Variants in AKAP17A observed in about 807,000 individuals in gnomAD.
AKAP17A encodes A-kinase anchor protein 17A.
Under a neutral mutation model 52.2 loss-of-function variants are expected in AKAP17A, and 15 were observed. The ratio of observed to expected loss-of-function variants is 0.29; its 90% confidence interval spans 0.19 to 0.44. AKAP17A has a LOEUF of 0.44. AKAP17A is among the 20% of genes least tolerant of loss of function. AKAP17A has a pLI of 1.00. For synonymous variants in AKAP17A, 514 were observed against 424.7 expected (o/e 1.21, Z -2.58); for missense variants, 1,060 against 1,007.0 (o/e 1.05, Z -0.71).
At position 1,598,470 on chromosome X, in the gene AKAP17A, G is replaced by A. The variant is rs368484669; in HGVS notation, c.912-722G>A. On this transcript the variant is annotated intron_variant, in intron 3 of 4. Coordinates refer to ENST00000313871, the MANE Select transcript of AKAP17A (RefSeq NM_005088.3). ...GCCCACCCGGGCTTCAGAAGTCTCC[G>A]CCTCCGTGTCGTGTTCCATAGGAAC... 7.4e-4 allele frequency among the ~76,000 whole-genome samples: 112 copies of A among 152,238 alleles called. No homozygotes were observed. The East Asian group carries it at 0.012, about 16-fold the overall frequency.
chrX:1,599,410 C>T lies in AKAP17A; in HGVS notation c.1130C>T (p.Ala377Val). The T allele has an allele frequency of 1.3e-6, 2 of 1,567,034 alleles. No individual in the cohort carries two copies. The highest frequency in any genetic ancestry group is 2.1e-4 in the Middle Eastern group (1 of 4,850). ...QRNLQSIRLI[A>V]ELLSRAKAVK... ...AACCTGCAGTCCATCCGGCTCATCG[C>T]CGAGCTGCTCAGCAGAGCCAAGGTA... is the stretch of plus-strand genomic sequence containing the variant. Residue 377 changes from alanine (A) to valine (V), a missense_variant, in exon 4 of 5, where the codon GCC becomes GTC. By Grantham distance (64) the Ala-to-Val change is moderately conservative. This residue lies in a region of AKAP17A where 793 missense variants were observed against 629.9 expected (regional missense o/e 1.26). Transcript: ENST00000313871.
At position 1,595,234 on chromosome X, in the gene AKAP17A, TCTGCACCGGACATGAGTGGTGAGC is replaced by T. The variant is rs1932921722; in HGVS notation, c.763-149_763-126del. 3.5e-4 allele frequency: 63 copies of T among 182,040 alleles called. 20 individuals are homozygous for T. Among genetic ancestry groups the T allele is most frequent in the East Asian group, 4.2e-4 (2 of 4,714 alleles). The allele number at this position is 182,040 out of a possible 1,614,324, so 11.3% of individuals were successfully genotyped here. ...TGGCTTCTGGGCTCCACTGTCTGGG[TCTGCACCGGACATGAGTGGTGAGC>T]GGTGAGCGGTGAGCGGGCGCTCAGG... is the stretch of plus-strand genomic sequence containing the variant. On this transcript the variant is annotated intron_variant, in intron 2 of 4. Transcript: ENST00000313871.
rs1338123079 is a variant in AKAP17A at position 1,593,523 on chromosome X, G to A, written c.61G>A (p.Gly21Ser). The A allele has an allele frequency of 1.2e-5, 20 of 1,613,608 alleles. No homozygotes were observed. Among genetic ancestry groups the A allele is most frequent in the East Asian group, 6.7e-5 (3 of 44,892 alleles). Residue 21 changes from glycine to serine, a missense_variant, in exon 2 of 5, where the codon GGC becomes AGC. Gly to Ser is a moderately conservative substitution (Grantham distance 56, BLOSUM62 0). This residue lies in a region of AKAP17A where 267 missense variants were observed against 377.1 expected (regional missense o/e 0.71). Transcript: ENST00000313871. ...GGCCGTGGAGCTCTGCCCTGCTTAC[G>A]GCTTGTACCTGAAGCCCATCACCAA... The part of the protein sequence containing the change: ...SEAVELCPAY[G>S]LYLKPITKMT...
At chrX:1,595,121 G>A (rs193196002) in intron 2 of AKAP17A, among the ~76,000 whole-genome samples, 4 of 152,356 alleles carry the variant, frequency 2.6e-5, no homozygotes, top group East Asian at 1.9e-4. Context: ...AGTAAGTGGC[G>A]AGGGCTAGTT....
intron 1 of AKAP17A, among the ~76,000 whole-genome samples, chrX:1,593,086 C>T (rs1318578547): frequency 1.3e-5 from 2 of 152,152 alleles, no homozygotes; most frequent in South Asian, 2.1e-4. Flanking sequence ...TTTGTAGCGT[C>T]CCCGTTCCTA....
intron 4 of AKAP17A, chrX:1,600,238 G>A: frequency 1.5e-6 from 2 of 1,296,838 alleles, no homozygotes; most frequent in Non-Finnish European, 1.0e-6. Context: ...CCCAGGCTAG[G>A]CCAGGCTCGC....
chrX:1,600,355 T>C, intron 4 of AKAP17A: 1 of 651,816 alleles, frequency 1.5e-6, no homozygotes, highest in East Asian at 3.2e-5. Context: ...GTGGTGGGGC[T>C]CCCGGCAGGG....
intron 3 of AKAP17A, among the ~76,000 whole-genome samples, 191 bp from the exon 4 acceptor site, chrX:1,599,001 G>C (rs1337965446): frequency 6.6e-6 from 1 of 152,172 alleles, no homozygotes; most frequent in Non-Finnish European, 1.5e-5. Flanking sequence ...GGTCACGGAG[G>C]TCCTCGCCCG....
Position 1,594,136 on chromosome X carries a change from T to G in AKAP17A, c.674T>G (p.Met225Arg). ...GCCTATGTGCAGTACCGCGAGTACA[T>G]GGGCTTCATCCAGGCCATGAGCGCC... Reference protein sequence around the residue: ...FEAYVQYREYMGFIQAMSALR... With the variant: ...FEAYVQYREYRGFIQAMSALR... The change falls in exon 2 of 5, where the codon ATG becomes AGG. Residue 225 changes from methionine to arginine, a missense_variant. Physicochemically the swap from Met to Arg is moderately conservative, Grantham distance 91. This residue lies in a region of AKAP17A where 267 missense variants were observed against 377.1 expected (regional missense o/e 0.71). Coordinates refer to ENST00000313871, the MANE Select transcript of AKAP17A (RefSeq NM_005088.3). The G allele has an allele frequency of 3.7e-6, 6 of 1,612,072 alleles. No individual in the cohort carries two copies. Among genetic ancestry groups the G allele is most frequent in the Non-Finnish European group, 3.4e-6 (4 of 1,178,896 alleles).
At chrX:1,597,087 T>C (rs1933038705) in intron 3 of AKAP17A, among the ~76,000 whole-genome samples, 1 of 152,102 alleles carries the variant, frequency 6.6e-6, no homozygotes, top group African/African-American at 2.4e-5. Context: ...ACCGAGTTGG[T>C]CCGTTTTGTT....
intron 3 of AKAP17A, among the ~76,000 whole-genome samples, chrX:1,596,892 G>C (rs28515612): frequency 7.6e-5 from 8 of 105,662 alleles, no homozygotes; most frequent in Non-Finnish European, 1.2e-4. Context: ...CTCCTTCTCC[G>C]TCCCTCCCAC....
chrX:1,593,971 G>A lies in AKAP17A; in HGVS notation c.509G>A (p.Ser170Asn), dbSNP rs1436562842. The A allele has an allele frequency of 6.2e-7, 1 of 1,602,290 alleles. No individual in the cohort carries two copies. The highest frequency in any genetic ancestry group is 1.3e-5 in the African/African-American group (1 of 74,716). Residue 170 changes from serine to asparagine, a missense_variant, in exon 2 of 5, where the codon AGC becomes AAC. Physicochemically the swap from Ser to Asn is conservative, Grantham distance 46. This residue lies in a region of AKAP17A where 267 missense variants were observed against 377.1 expected (regional missense o/e 0.71). Coordinates refer to ENST00000313871, the MANE Select transcript of AKAP17A (RefSeq NM_005088.3). Reference sequence around the variant, plus strand: ...AAGGAGTCGGGCTCCGAGAAGCCCAGCGAGGACGTCCTGGTCAAGGTGTTT... The same window carrying A: ...AAGGAGTCGGGCTCCGAGAAGCCCAACGAGGACGTCCTGGTCAAGGTGTTT... ...ALKESGSEKP[S>N]EDVLVKVFEK...
chrX:1,601,713 C>T lies in AKAP17A; in HGVS notation c.*119C>T, dbSNP rs1175773270. 8 of 941,294 alleles carry T rather than the reference C, an allele frequency of 8.5e-6. No homozygotes were observed. The highest frequency in any genetic ancestry group is 6.3e-5 in the East Asian group (2 of 31,734). 58.3% of individuals were successfully genotyped at this position (941,294 alleles called of 1,614,324 possible). On this transcript the variant is annotated 3_prime_UTR_variant, in exon 5 of 5. Coordinates refer to ENST00000313871, the MANE Select transcript of AKAP17A (RefSeq NM_005088.3). ...CAAAGCCAAGACCCTTCTGCAGCCA[C>T]GAATGTCCACGGAGCCCGCCGGCAG...
chrX:1,598,719 TC>T (rs1330683595), intron 3 of AKAP17A, among the ~76,000 whole-genome samples: 2 of 151,450 alleles, frequency 1.3e-5, no homozygotes, highest in Non-Finnish European at 2.9e-5. Context: ...TAGAGAGAGG[TC>T]CCCCCGTGCC....
chrX:1,596,924 T>C (rs1392028625), intron 3 of AKAP17A, among the ~76,000 whole-genome samples: 5 of 151,542 alleles, frequency 3.3e-5, no homozygotes, highest in African/African-American at 1.2e-4. Flanking sequence ...GGCGGAATCC[T>C]CCTCCTCCTA....
At position 1,600,641 on chromosome X, in the gene AKAP17A, C is replaced by T. The variant is rs1933309106; in HGVS notation, c.1153-18C>T. The stretch of plus-strand genomic sequence containing the variant: ...GGCTCAGGAACCGGGCTCAGCTGCA[C>T]TTTCCTCTTCCCCGCAGGCTGTGAA... On this transcript the variant is annotated intron_variant, in intron 4 of 4. Coordinates refer to ENST00000313871, the MANE Select transcript of AKAP17A (RefSeq NM_005088.3). 1 of 1,521,436 alleles carries T rather than the reference C, an allele frequency of 6.6e-7. No homozygotes were observed. The highest frequency in any genetic ancestry group is 8.8e-7 in the Non-Finnish European group (1 of 1,133,126). 94.2% of individuals were successfully genotyped at this position (1,521,436 alleles called of 1,614,324 possible). A position where few individuals can be genotyped will look rare whatever the true frequency, so the allele number is the denominator to read the frequency against.
In AKAP17A at chrX:1,600,739, G is replaced by A; in HGVS notation, c.1233G>A (p.Glu411=). 1 of 1,550,006 alleles carries A rather than the reference G, an allele frequency of 6.5e-7. No homozygotes were observed. The highest frequency in any genetic ancestry group is 8.7e-7 in the Non-Finnish European group (1 of 1,150,450). The change falls in exon 5 of 5, where the codon GAG becomes GAA. Residue 411 remains glutamate (E), a synonymous_variant. Coordinates refer to ENST00000313871, the MANE Select transcript of AKAP17A (RefSeq NM_005088.3). ...QQQEERRRLQ[E]AELRRVEEEK... ...AGGAGGAGCGGCGGCGGCTGCAGGAGGCCGAGCTGCGGCGCGTGGAGGAGG... is the reference window on the plus strand; with the variant it reads ...AGGAGGAGCGGCGGCGGCTGCAGGAAGCCGAGCTGCGGCGCGTGGAGGAGG...
chrX:1,599,867 G>A, intron 4 of AKAP17A: 1 of 586,672 alleles, frequency 1.7e-6, no homozygotes, highest in South Asian at 2.0e-5. Flanking sequence ...TGAGCGCACA[G>A]AGGGGGCCTG....
chrX:1,592,428 G>C (rs1932854535), intron 1 of AKAP17A, among the ~76,000 whole-genome samples: 1 of 151,982 alleles, frequency 6.6e-6, no homozygotes, highest in Non-Finnish European at 1.5e-5. Flanking sequence ...GTCGGAGGGC[G>C]CTGGAGGCCA....
Sources: allele counts gnomAD v4.1 joint callset (sites outside exome capture counted in the v4.1 genomes callset), GRCh38; gene constraint gnomAD v4.1.1; regional missense constraint gnomAD v4.1.1; transcripts MANE v1.5; gene names NCBI Gene and HGNC (gene_info 2026-07-23, HGNC 2026-07-21).